Variants in MECOM observed in about 807,000 individuals in gnomAD.
MECOM encodes the protein histone-lysine N-methyltransferase MECOM.
In MECOM, 13 loss-of-function variants were observed where a neutral mutation model predicts 116.3. That is an observed-to-expected ratio of 0.11 (90% CI 0.07 to 0.18). The LOEUF (loss-of-function observed/expected upper bound fraction) is 0.18. Ranked by LOEUF, MECOM falls within the 10% of genes least tolerant of loss-of-function variation. The pLI, the probability that MECOM is intolerant of heterozygous loss-of-function variation, is 1.00. For synonymous variants in MECOM, 528 were observed against 535.2 expected (o/e 0.99, Z 0.19); for missense variants, 1,299 against 1,509.0 (o/e 0.86, Z 2.31).
At chr3:169,161,852 C>A (rs943528023) in intron 2 of MECOM, among the ~76,000 whole-genome samples, 1 of 152,012 alleles carries the variant, frequency 6.6e-6, no homozygotes, top group East Asian at 1.9e-4. Flanking sequence ...AAGGCCTATG[C>A]GGGGAACAAT....
intron 2 of MECOM, among the ~76,000 whole-genome samples, chr3:169,293,545 C>G (rs1172692001): frequency 6.6e-6 from 1 of 152,292 alleles, no homozygotes; most frequent in African/African-American, 2.4e-5. Context: ...GTTCCAGTGT[C>G]CCTGCTCAGA....
chr3:169,255,539 A>T (rs1756760020), intron 2 of MECOM, among the ~76,000 whole-genome samples: 2 of 152,170 alleles, frequency 1.3e-5, no homozygotes, highest in Non-Finnish European at 2.9e-5. Flanking sequence ...AAAGTAAATA[A>T]GTTAAAGGCA....
intron 1 of MECOM, among the ~76,000 whole-genome samples, chr3:169,478,018 T>C (rs1420889397): frequency 6.6e-6 from 1 of 152,144 alleles, no homozygotes; most frequent in Non-Finnish European, 1.5e-5. Context: ...GGTGTATTAT[T>C]TGTCAGGGAG....
intron 1 of MECOM, among the ~76,000 whole-genome samples, chr3:169,652,717 C>A (rs1006875117): frequency 9.9e-5 from 15 of 152,146 alleles, no homozygotes; most frequent in African/African-American, 3.1e-4. Flanking sequence ...AATACATTAT[C>A]TATCAACCTT....
intron 1 of MECOM, among the ~76,000 whole-genome samples, chr3:169,492,722 G>A (rs1753242702): frequency 6.6e-6 from 1 of 152,142 alleles, no homozygotes; most frequent in Non-Finnish European, 1.5e-5. Context: ...AGCACTTTGG[G>A]AGGCCGAGGC....
At chr3:169,661,820 G>T (rs561506536) in intron 1 of MECOM, among the ~76,000 whole-genome samples, 1 of 152,100 alleles carries the variant, frequency 6.6e-6, no homozygotes, top group Non-Finnish European at 1.5e-5. Context: ...GATTTCACTG[G>T]GGAGAAGCAT....
chr3:169,199,678 C>T lies in MECOM; in HGVS notation c.376-55846G>A, dbSNP rs115432038. The stretch of plus-strand genomic sequence containing the variant: ...ACACATGCACAACACCATAACTACA[C>T]CCATTTCTGGGTCTTATTGAAATCT... On this transcript the variant is annotated intron_variant, in intron 2 of 16. Transcript: ENST00000651503. 2.8e-3 allele frequency among the ~76,000 whole-genome samples: 433 copies of T among 152,108 alleles called. 3 individuals carry two copies. The highest frequency in any genetic ancestry group is 7.2e-3 in the African/African-American group (300 of 41,512).
chr3:169,437,534 T>C (rs1742865342), intron 1 of MECOM, among the ~76,000 whole-genome samples: 2 of 152,272 alleles, frequency 1.3e-5, no homozygotes, highest in South Asian at 4.1e-4. Flanking sequence ...ACCACAGAGA[T>C]TCAAATTATA....
chr3:169,644,054 T>C (rs73176409), intron 1 of MECOM, among the ~76,000 whole-genome samples: 6,802 of 152,262 alleles, frequency 0.045, 167 homozygotes, highest in African/African-American at 0.06. Context: ...AACTGTAGAA[T>C]AGAATCATTC....
At chr3:169,663,194 T>G in intron 1 of MECOM, 142 bp downstream of exon 1, 1 of 921,346 alleles carries the variant, frequency 1.1e-6, no homozygotes, top group South Asian at 1.6e-5. Flanking sequence ...ACCGGCAGGT[T>G]GCTGGGGCTG....
At chr3:169,450,443 C>T (rs1745364247) in intron 1 of MECOM, among the ~76,000 whole-genome samples, 1 of 152,102 alleles carries the variant, frequency 6.6e-6, no homozygotes, top group Non-Finnish European at 1.5e-5. Flanking sequence ...TAGGCCCCTG[C>T]TGCCTCCAAG....
intron 2 of MECOM, among the ~76,000 whole-genome samples, chr3:169,298,061 G>C (rs564735277): frequency 3.7e-4 from 57 of 152,216 alleles, no homozygotes; most frequent in African/African-American, 1.3e-3. Context: ...CCAGCATCGG[G>C]AGAAATAAAC....
chr3:169,406,591 A>G (rs1578003283), intron 1 of MECOM, among the ~76,000 whole-genome samples: 2 of 152,206 alleles, frequency 1.3e-5, no homozygotes, highest in South Asian at 4.1e-4. Flanking sequence ...AAAGCAATAA[A>G]GTTTTGAATT....
intron 1 of MECOM, among the ~76,000 whole-genome samples, chr3:169,474,823 G>C (rs1330819408): frequency 2.3e-5 from 1 of 44,030 alleles, no homozygotes; most frequent in Non-Finnish European, 4.1e-5. Flanking sequence ...TTAGTGTCTA[G>C]TACTTAACCA....
chr3:169,262,848 C>T (rs1272657933), intron 2 of MECOM, among the ~76,000 whole-genome samples: 1 of 151,734 alleles, frequency 6.6e-6, no homozygotes, highest in African/African-American at 2.4e-5. Flanking sequence ...CACAGAGGCA[C>T]ATCTTTTATA....
At chr3:169,267,850 C>T (rs1408028400) in intron 2 of MECOM, among the ~76,000 whole-genome samples, 2 of 151,904 alleles carry the variant, frequency 1.3e-5, no homozygotes, top group Non-Finnish European at 2.9e-5. Flanking sequence ...TCCTCATGAT[C>T]CAGAGATGCA....
chr3:169,152,885 C>A (rs774333919), intron 2 of MECOM, among the ~76,000 whole-genome samples: 1 of 152,088 alleles, frequency 6.6e-6, no homozygotes, highest in Non-Finnish European at 1.5e-5. Flanking sequence ...GAGCAGATTT[C>A]TTTTTTGCTT....
chr3:169,536,226 A>G (rs1759334497), intron 1 of MECOM, among the ~76,000 whole-genome samples: 1 of 152,182 alleles, frequency 6.6e-6, no homozygotes, highest in African/African-American at 2.4e-5. Context: ...AACCCAGGTC[A>G]GGAGTTGCTA....
rs1360763427 is a variant in MECOM, at chr3:169,152,473, C to T, written c.376-8641G>A. ...TGGACAAGGTCAGGGCACCTAACAG[C>T]TCAGACATGGGCCTTTGCAGTGGCT... On this transcript the variant is annotated intron_variant, in intron 2 of 16. Transcript: ENST00000651503. Among the ~76,000 whole-genome samples the T allele has an allele frequency of 1.6e-4, 25 of 152,138 alleles. 1 individual carries two copies.
Sources: gnomAD v4.1 joint callset for allele counts (sites outside exome capture counted in the v4.1 genomes callset) on GRCh38, gnomAD v4.1.1 for gene constraint, MANE v1.5 for transcripts, NCBI Gene and HGNC (gene_info 2026-07-23, HGNC 2026-07-21) for gene names.